Variants in RBMS3 observed in about 807,000 individuals in gnomAD.
RBMS3 encodes the protein RNA-binding motif, single-stranded-interacting protein 3.
A neutral mutation model predicts 66.8 loss-of-function variants in RBMS3; 27 were observed. The ratio of observed to expected loss-of-function variants is 0.40; its 90% CI spans 0.30 to 0.56. The LOEUF is 0.56. RBMS3 is among the 20% of genes least tolerant of loss of function. The pLI is 0.40. For missense variants in RBMS3, 513 were observed against 549.5 expected (o/e 0.93, Z 0.66); for synonymous variants, 188 against 183.0 (o/e 1.03, Z -0.22).
At chr3:29,624,672 T>C (rs1038212762) in intron 4 of RBMS3, among the ~76,000 whole-genome samples, 6 of 152,200 alleles carry the variant, frequency 3.9e-5, no homozygotes, top group African/African-American at 1.4e-4. Flanking sequence ...GTTATATACG[T>C]CTTATGTTCA....
chr3:29,293,767 TTTC>T (rs1301874360), intron 1 of RBMS3, among the ~76,000 whole-genome samples: 1 of 151,584 alleles, frequency 6.6e-6, no homozygotes, highest in East Asian at 2.0e-4. Flanking sequence ...TTGCTCGCCC[TTTC>T]TTCTTCTATT....
intron 6 of RBMS3, among the ~76,000 whole-genome samples, chr3:29,860,769 T>C (rs1234206837): frequency 6.6e-6 from 1 of 152,252 alleles, no homozygotes; most frequent in Non-Finnish European, 1.5e-5. Flanking sequence ...ATCATCCTTC[T>C]ATTAGTATCA....
intron 3 of RBMS3, among the ~76,000 whole-genome samples, chr3:29,567,031 T>C (rs919577577): frequency 5.9e-5 from 9 of 152,136 alleles, no homozygotes; most frequent in African/African-American, 2.2e-4. Flanking sequence ...GTACTGTTCA[T>C]GTGTTATAGG....
At chr3:29,482,701 C>CTTTATTT (rs759435190) in intron 2 of RBMS3, among the ~76,000 whole-genome samples, 1 of 77,512 alleles carries the variant, frequency 1.3e-5, no homozygotes, top group African/African-American at 5.2e-5. Flanking sequence ...TTCTTTCTTT[C>CTTTATTT]TTTTTTTTTT....
At chr3:29,673,104 C>T (rs754886902) in intron 4 of RBMS3, among the ~76,000 whole-genome samples, 27 of 152,192 alleles carry the variant, frequency 1.8e-4, no homozygotes, top group East Asian at 5.8e-4. Flanking sequence ...AACTCAATAC[C>T]GCACAACTCC....
In RBMS3 at chr3:29,384,777, G is replaced by A. The variant is rs150812968; in HGVS notation, c.76-49966G>A. 3.3e-4 allele frequency among the ~76,000 whole-genome samples: 51 copies of A among 152,296 alleles called. 3 individuals carry two copies. The East Asian group carries it at 8.7e-3, about 26-fold the overall frequency. ...GTTTCCGGCCTTCCCAGGCCACTCC[G>A]CATAAAGCATCCTCACTCCCTGAGG... On this transcript the variant is annotated intron_variant, in intron 1 of 14. Coordinates refer to ENST00000383767, the MANE Select transcript of RBMS3 (RefSeq NM_001003793.3).
intron 12 of RBMS3, among the ~76,000 whole-genome samples, chr3:29,966,212 C>T (rs1041793593): frequency 6.6e-6 from 1 of 152,046 alleles, no homozygotes; most frequent in Non-Finnish European, 1.5e-5. Context: ...TTCTTGGTTC[C>T]ATATGAATTT....
At chr3:29,855,192 T>TA (rs1339118302) in intron 6 of RBMS3, among the ~76,000 whole-genome samples, 2 of 152,130 alleles carry the variant, frequency 1.3e-5, no homozygotes, top group Non-Finnish European at 2.9e-5. Flanking sequence ...ATAATTCTGT[T>TA]AGTTAGGGAA....
Position 29,835,004 on chromosome 3 carries a change from T to C in RBMS3, c.638-33854T>C, listed in dbSNP as rs1310943616. ...GTAGTTATATTTCTATCAGACAAAA[T>C]GGACTTTTAAGTAAAAACTGGAAAA... On this transcript the variant is annotated intron_variant, in intron 6 of 14. Transcript: ENST00000383767. Among the ~76,000 whole-genome samples, 14 of 152,026 alleles carry C rather than the reference T, an allele frequency of 9.2e-5. No homozygotes were observed. The East Asian group carries it at 2.5e-3, about 27-fold the overall frequency.
intron 6 of RBMS3, among the ~76,000 whole-genome samples, chr3:29,813,395 C>T (rs2057781325): frequency 6.6e-6 from 1 of 152,084 alleles, no homozygotes. Flanking sequence ...CCTGATAAAA[C>T]TATGATGTGC....
chr3:29,571,150 T>G (rs954187816), intron 3 of RBMS3, among the ~76,000 whole-genome samples: 1 of 152,136 alleles, frequency 6.6e-6, no homozygotes, highest in African/African-American at 2.4e-5. Flanking sequence ...TATTAAAATA[T>G]TTTGCCCATT....
At chr3:29,470,411 A>G (rs1201622957) in intron 2 of RBMS3, among the ~76,000 whole-genome samples, 1 of 152,082 alleles carries the variant, frequency 6.6e-6, no homozygotes, top group East Asian at 1.9e-4. Flanking sequence ...CTTTCATTGT[A>G]TCAACAACTT....
At chr3:29,423,233 A>C (rs1296429947) in intron 1 of RBMS3, among the ~76,000 whole-genome samples, 1 of 152,212 alleles carries the variant, frequency 6.6e-6, no homozygotes, top group Non-Finnish European at 1.5e-5. Flanking sequence ...AAAGAGAGAC[A>C]CATTTACTCT....
chr3:29,827,483 C>T (rs1343793074), intron 6 of RBMS3, among the ~76,000 whole-genome samples: 1 of 152,042 alleles, frequency 6.6e-6, no homozygotes, highest in African/African-American at 2.4e-5. Context: ...TTTTGATCTC[C>T]AGGATTTTTT....
intron 4 of RBMS3, among the ~76,000 whole-genome samples, chr3:29,723,110 G>A (rs555569667): frequency 6.6e-6 from 1 of 152,006 alleles, no homozygotes; most frequent in South Asian, 2.1e-4. Context: ...TGAATGGCTG[G>A]GATTACAGGC....
chr3:29,648,036 G>A (rs773144824), intron 4 of RBMS3, among the ~76,000 whole-genome samples: 3 of 151,946 alleles, frequency 2.0e-5, no homozygotes, highest in Non-Finnish European at 4.4e-5. Flanking sequence ...GGAAACCAGT[G>A]GGATGGGCAG....
intron 4 of RBMS3, among the ~76,000 whole-genome samples, chr3:29,653,891 C>T (rs1366919080): frequency 6.6e-6 from 1 of 152,112 alleles, no homozygotes; most frequent in Non-Finnish European, 1.5e-5. Flanking sequence ...ATTGTTAGTC[C>T]TCAACTCCAA....
intron 1 of RBMS3, among the ~76,000 whole-genome samples, chr3:29,347,425 GGTTT>G (rs1303507096): frequency 1.3e-5 from 2 of 152,072 alleles, no homozygotes; most frequent in South Asian, 2.1e-4. Flanking sequence ...AAGGTCTAGG[GGTTT>G]GTTTATTTTA....
chr3:29,632,821 T>C (rs2049334542), intron 4 of RBMS3, among the ~76,000 whole-genome samples: 1 of 151,902 alleles, frequency 6.6e-6, no homozygotes. Context: ...CTGTGGACAG[T>C]GCAAGAACAA....
Sources: gnomAD v4.1 joint callset for allele counts (sites outside exome capture counted in the v4.1 genomes callset) on GRCh38, gnomAD v4.1.1 for gene constraint, MANE v1.5 for transcripts, NCBI Gene and HGNC (gene_info 2026-07-23, HGNC 2026-07-21) for gene names.